TGDS: variants seen among roughly 807,000 people sequenced by gnomAD.
TGDS encodes the protein UDP-D-glucose 4,6-dehydratase.
A neutral mutation model predicts 52.3 loss-of-function variants in TGDS; 47 were observed. The observed-to-expected ratio is 0.90, with a 90% CI of 0.71 to 1.15. The LOEUF is 1.15. Among genes scored for constraint, TGDS ranks in the 50% most tolerant of loss-of-function variants. TGDS has a pLI of 0.00. For synonymous variants in TGDS, 115 were observed against 136.9 expected, an observed-to-expected ratio of 0.84 and a Z score of 1.12; for missense variants, 375 against 418.4, an observed-to-expected ratio of 0.90 and a Z score of 0.90.
chr13:94,576,426 C>G lies in TGDS; in HGVS notation c.885-15G>C, dbSNP rs1370326725. On this transcript the variant is annotated splice_polypyrimidine_tract_variant and intron_variant, in intron 10 of 11. Coordinates refer to ENST00000261296, the MANE Select transcript of TGDS (RefSeq NM_014305.4). The stretch of plus-strand genomic sequence containing the variant: ...CATTGGTGGGTCTTGGAAAACAAAA[C>G]AGATTTAAAATAATATTGTAGATAT... 1 of 1,521,570 alleles carries G rather than the reference C, an allele frequency of 6.6e-7. No individual in the cohort carries two copies. The allele number at this position is 1,521,570 out of a possible 1,614,324, so 94.3% of individuals were successfully genotyped here.
chr13:94,577,630 T>C (rs570200596), intron 9 of TGDS, among the ~76,000 whole-genome samples: 81 of 152,182 alleles, frequency 5.3e-4, no homozygotes, highest in Non-Finnish European at 1.0e-3. Context: ...GGATTTTGGT[T>C]ATTATTCAGT....
intron 3 of TGDS, 42 bp downstream of exon 3, chr13:94,592,199 T>C: frequency 6.9e-7 from 1 of 1,448,668 alleles, no homozygotes; most frequent in East Asian, 2.3e-5. Flanking sequence ...AATCTCTGCA[T>C]GACTAAAGAG....
intron 11 of TGDS, 131 bp downstream of exon 11, chr13:94,576,183 A>G: frequency 1.9e-6 from 1 of 537,132 alleles, no homozygotes; most frequent in South Asian, 4.4e-5. Context: ...GAAATATATG[A>G]AATGTGGCAA....
chr13:94,586,748 ATTATTT>A (rs1367223794), intron 4 of TGDS, among the ~76,000 whole-genome samples: 23,663 of 87,772 alleles, frequency 0.27, 2,149 homozygotes, highest in Non-Finnish European at 0.37. Context: ...AAGAAATCAA[ATTATTT>A]TTTTTTTTTT....
Position 94,574,857 on chromosome 13 carries a change from T to G in TGDS, c.983-5A>C. On this transcript the variant is annotated splice_region_variant and splice_polypyrimidine_tract_variant and intron_variant, in intron 11 of 11. Transcript: ENST00000261296. Reference sequence around the variant, plus strand: ...AATTCTCTCTGTACCATTCAACTAATAGGAAAAAACAAAAGACAAAAAAAA... The same window carrying G: ...AATTCTCTCTGTACCATTCAACTAAGAGGAAAAAACAAAAGACAAAAAAAA... 6.7e-7 allele frequency: 1 copy of G among 1,483,426 alleles called. No individual in the cohort carries two copies. The highest frequency in any genetic ancestry group is 9.0e-7 in the Non-Finnish European group (1 of 1,110,118). 91.9% of individuals were successfully genotyped at this position (1,483,426 alleles called of 1,614,324 possible).
intron 4 of TGDS, among the ~76,000 whole-genome samples, chr13:94,586,208 G>T (rs1393324432): frequency 6.6e-6 from 1 of 152,254 alleles, no homozygotes. Context: ...GAGGGCAAAT[G>T]CCGAGGAGGG....
intron 3 of TGDS, among the ~76,000 whole-genome samples, chr13:94,591,175 C>T (rs900971835): frequency 3.9e-5 from 6 of 152,178 alleles, no homozygotes; most frequent in African/African-American, 1.4e-4. Context: ...TGAGCACCAA[C>T]AACTACTAAG....
rs1475580614 is a variant in TGDS, at chr13:94,577,058, C to T, written c.884+313G>A. On this transcript the variant is annotated intron_variant, in intron 10 of 11. Transcript: ENST00000261296. ...CAGAGATTGCAGTGAGCCGAGATTG[C>T]GCCACTGCACTCCAGCCTGGCAACA... 3.3e-5 allele frequency among the ~76,000 whole-genome samples: 5 copies of T among 150,872 alleles called. No individual in the cohort carries two copies. In the South Asian group the frequency reaches 6.3e-4, roughly 19 times the overall value.
At chr13:94,583,316 G>A (rs903073223) in intron 4 of TGDS, 80 bp from the exon 5 acceptor site, 43 of 1,430,166 alleles carry the variant, frequency 3.0e-5, no homozygotes, top group Admixed American at 4.3e-5. Context: ...CAGGTTTAAG[G>A]AGAGTACTAG....
At position 94,581,169 on chromosome 13, in the gene TGDS, G is replaced by A. The variant is rs1194857443; in HGVS notation, c.477C>T (p.Pro159=). 1.9e-6 allele frequency: 3 copies of A among 1,587,876 alleles called. No individual in the cohort carries two copies. Among genetic ancestry groups the A allele is most frequent in the Non-Finnish European group, 2.6e-6 (3 of 1,166,692 alleles). ...ATGCATAAGGATTTGTAGGTTGTTTGGGTGAAGATTCATCAAATTCCTATT... is the reference window on the plus strand; with the variant it reads ...ATGCATAAGGATTTGTAGGTTGTTTAGGTGAAGATTCATCAAATTCCTATT... ...SLDKEFDESS[P]KQPTNPYASS... The change falls in exon 6 of 12, where the codon CCC becomes CCT. Residue 159 remains proline (P), a synonymous_variant. Transcript: ENST00000261296.
chr13:94,576,180 A>G (rs2139512102), intron 11 of TGDS, 134 bp downstream of exon 11: 1 of 524,762 alleles, frequency 1.9e-6, no homozygotes, highest in East Asian at 3.4e-5. Context: ...CTAGAAATAT[A>G]TGAAATGTGG....
At chr13:94,595,039 G>A (rs1009199601) in intron 1 of TGDS, among the ~76,000 whole-genome samples, 7 of 152,118 alleles carry the variant, frequency 4.6e-5, no homozygotes, top group Non-Finnish European at 1.0e-4. Flanking sequence ...ACACAAATCC[G>A]CAATATAATT....
At chr13:94,585,636 C>CA (rs1486885937) in intron 4 of TGDS, among the ~76,000 whole-genome samples, 7 of 151,418 alleles carry the variant, frequency 4.6e-5, no homozygotes, top group Non-Finnish European at 1.0e-4. Context: ...CGTCTCTACT[C>CA]AAAATACAAA....
At chr13:94,591,832 A>G (rs1270663644) in intron 3 of TGDS, among the ~76,000 whole-genome samples, 1 of 152,244 alleles carries the variant, frequency 6.6e-6, no homozygotes, top group African/African-American at 2.4e-5. Context: ...ACTTTAAAAA[A>G]TACATAAGTT....
At chr13:94,588,903 T>A (rs549579466) in intron 4 of TGDS, among the ~76,000 whole-genome samples, 73 of 152,262 alleles carry the variant, frequency 4.8e-4, no homozygotes, top group Admixed American at 2.4e-3. Context: ...TGGTGAACTT[T>A]TCAATAAATG....
chr13:94,582,950 G>T, intron 5 of TGDS, 144 bp downstream of exon 5: 1 of 716,322 alleles, frequency 1.4e-6, no homozygotes, highest in Non-Finnish European at 2.2e-6. Context: ...TCTATTAGTT[G>T]TGTCCCTCTA....
chr13:94,584,833 C>T (rs532333271), intron 4 of TGDS, among the ~76,000 whole-genome samples: 2 of 152,206 alleles, frequency 1.3e-5, no homozygotes, highest in African/African-American at 4.8e-5. Context: ...AATGGTGAGT[C>T]ATTTTGAACA....
At position 94,586,570 on chromosome 13, in the gene TGDS, G is replaced by A. The variant is rs145510508; in HGVS notation, c.314-3334C>T. Among the ~76,000 whole-genome samples, 205 of 152,198 alleles carry A rather than the reference G, an allele frequency of 1.3e-3. 2 individuals carry two copies. Among genetic ancestry groups the A allele is most frequent in the African/African-American group, 4.6e-3 (191 of 41,524 alleles). On this transcript the variant is annotated intron_variant, in intron 4 of 11. Coordinates refer to ENST00000261296, the MANE Select transcript of TGDS (RefSeq NM_014305.4). Reference sequence around the variant, plus strand: ...CTTTTCAATACACACACGATTTACGGAAAGTGACCATATACTGAACCAAAA... The same window carrying A: ...CTTTTCAATACACACACGATTTACGAAAAGTGACCATATACTGAACCAAAA...
intron 10 of TGDS, 38 bp from the exon 11 acceptor site, chr13:94,576,449 T>C (rs773737713): frequency 7.4e-7 from 1 of 1,359,882 alleles, no homozygotes; most frequent in East Asian, 2.6e-5. Flanking sequence ...ATATTGTAGA[T>C]ATATATTTAC....
Sources: gnomAD v4.1 joint callset for allele counts (sites outside exome capture counted in the v4.1 genomes callset) on GRCh38, gnomAD v4.1.1 for gene constraint, MANE v1.5 for transcripts, NCBI Gene and HGNC (gene_info 2026-07-23, HGNC 2026-07-21) for gene names.